KANSL3: variants seen among roughly 807,000 people sequenced by gnomAD.
The protein encoded by KANSL3 is NSL complex protein NSL3.
A neutral mutation model predicts 89.2 loss-of-function variants in KANSL3; 16 were observed. The observed-to-expected ratio is 0.18, with a 90% CI of 0.12 to 0.27. KANSL3 has a LOEUF of 0.27. Ranked by LOEUF, KANSL3 falls within the 10% of genes least tolerant of loss-of-function variation. The pLI is 1.00. For missense variants in KANSL3, 879 were observed against 1,110.6 expected, an observed-to-expected ratio of 0.79 and a Z score of 2.96; for synonymous variants, 385 against 419.7, an observed-to-expected ratio of 0.92 and a Z score of 1.01.
chr2:96,632,451 G>A (rs1488467130), intron 2 of KANSL3, among the ~76,000 whole-genome samples: 1 of 152,120 alleles, frequency 6.6e-6, no homozygotes, highest in Non-Finnish European at 1.5e-5. Context: ...GACACGGCAA[G>A]ACCCAGTCTC....
At chr2:96,589,330 G>A (rs1424783446), downstream of KANSL3, among the ~76,000 whole-genome samples, 2 of 152,132 alleles carry the variant, frequency 1.3e-5, no homozygotes, top group African/African-American at 4.8e-5. Flanking sequence ...GAAATATAAT[G>A]ACATAGGTAG....
intron 11 of KANSL3, 142 bp from the exon 12 acceptor site, chr2:96,609,704 C>T: frequency 1.4e-6 from 1 of 736,688 alleles, no homozygotes; most frequent in East Asian, 2.5e-5. Context: ...GTAATGCAAC[C>T]TCTCCGAACC....
At position 96,594,340 on chromosome 2, in the gene KANSL3, T is replaced by C. The variant is rs958942506; in HGVS notation, c.*1271A>G. 6.6e-6 allele frequency: 1 copy of C among 152,230 alleles called. No individual in the cohort carries two copies. The highest frequency in any genetic ancestry group is 6.5e-5 in the Admixed American group (1 of 15,286). 9.4% of individuals were successfully genotyped at this position (152,230 alleles called of 1,614,324 possible). On this transcript the variant is annotated 3_prime_UTR_variant, in exon 21 of 21. Coordinates refer to ENST00000431828, the MANE Select transcript of KANSL3 (RefSeq NM_001115016.3). ...TGGGAGCCTGTTCTGGAGGATAGCTTCTAAACCAAATCTAAAACTATCTTT... is the reference window on the plus strand; with the variant it reads ...TGGGAGCCTGTTCTGGAGGATAGCTCCTAAACCAAATCTAAAACTATCTTT...
chr2:96,604,835 T>G lies in KANSL3; in HGVS notation c.1962A>C (p.Thr654=). 6.3e-7 allele frequency: 1 copy of G among 1,598,940 alleles called. No individual in the cohort carries two copies. Among genetic ancestry groups the G allele is most frequent in the Non-Finnish European group, 8.5e-7 (1 of 1,172,836 alleles). The change falls in exon 16 of 21, where the codon ACA becomes ACC. Residue 654 remains threonine, a synonymous_variant. Coordinates refer to ENST00000431828, the MANE Select transcript of KANSL3 (RefSeq NM_001115016.3). ...EAAGGKPITM[T]LGQASAGAKE... The stretch of plus-strand genomic sequence containing the variant: ...TGGCCCCTGCTGAAGCCTGCCCCAG[T>G]GTCATGGTGATGGGCTTCCCACCTG...
At position 96,608,517 on chromosome 2, in the gene KANSL3, G is replaced by T. The variant is rs2068353234; in HGVS notation, c.1732C>A (p.Gln578Lys). The change falls in exon 14 of 21, where the codon CAA (glutamine) becomes AAA (lysine). Residue 578 changes from glutamine (Q) to lysine (K), a missense_variant. Transcript: ENST00000431828. ...GGCCAAGTGCCTATACCTTGAGCTT[G>T]TTTGTGGGTCAGCACAGCTTCTGTC... ...QRTEAVLTHK[Q>K]AQVPISSEPP... 1 of 1,613,908 alleles carries T rather than the reference G, an allele frequency of 6.2e-7. No individual in the cohort carries two copies. Among genetic ancestry groups the T allele is most frequent in the Admixed American group, 1.7e-5 (1 of 60,006 alleles).
intron 3 of KANSL3, among the ~76,000 whole-genome samples, chr2:96,627,636 C>T (rs2072601803): frequency 6.6e-6 from 1 of 152,092 alleles, no homozygotes; most frequent in South Asian, 2.1e-4. Context: ...GTAAACTCTC[C>T]GGGAAAGAAC....
chr2:96,601,667 G>A lies in KANSL3; in HGVS notation c.2592C>T (p.Ser864=). ...SGAAPSEESS[S]QVLPSSSQRL... Reference sequence around the variant, plus strand: ...CCTGTGAGCTGGAGGGCAGCACCTGGGAAGAGGACTCCTCGGATGGGGCTG... The same window carrying A: ...CCTGTGAGCTGGAGGGCAGCACCTGAGAAGAGGACTCCTCGGATGGGGCTG... Residue 864 remains serine, a synonymous_variant, in exon 20 of 21, where the codon TCC becomes TCT. Coordinates refer to ENST00000431828, the MANE Select transcript of KANSL3 (RefSeq NM_001115016.3). 6.2e-7 allele frequency: 1 copy of A among 1,613,574 alleles called. No homozygotes were observed. The highest frequency in any genetic ancestry group is 8.5e-7 in the Non-Finnish European group (1 of 1,179,712).
rs2066330970 is a variant in KANSL3 at position 96,593,205 on chromosome 2, G to A, written c.*2406C>T. ...GGTGTTTTTAATTGTTTTTGTTAAT[G>A]TAAAAACAGAACCATCACAGCCGCT... On this transcript the variant is annotated 3_prime_UTR_variant, in exon 21 of 21. Coordinates refer to ENST00000431828, the MANE Select transcript of KANSL3 (RefSeq NM_001115016.3). 2.2e-6 allele frequency: 1 copy of A among 448,766 alleles called. No homozygotes were observed. 27.8% of individuals were successfully genotyped at this position (448,766 alleles called of 1,614,324 possible).
Position 96,609,015 on chromosome 2 carries a change from T to A in KANSL3, c.1433A>T (p.His478Leu), listed in dbSNP as rs1430731589. The change falls in exon 13 of 21, where the codon CAC (histidine) becomes CTC (leucine). Residue 478 changes from histidine to leucine, a missense_variant. Physicochemically the swap from His to Leu is moderately conservative, Grantham distance 99. Coordinates refer to ENST00000431828, the MANE Select transcript of KANSL3 (RefSeq NM_001115016.3). The part of the protein sequence containing the change: ...LTGVLTRAEG[H>L]MGSEPRDQDA... ...CTGATCCCGAGGTTCAGAGCCCATG[T>A]GACCCTCAGCACGAGTGAGCACTCC... 2.6e-6 allele frequency: 4 copies of A among 1,566,100 alleles called. No homozygotes were observed. In the Admixed American group the frequency reaches 7.6e-5, roughly 30 times the overall value.
Position 96,631,475 on chromosome 2 carries a change from C to T in KANSL3, c.223G>A (p.Asp75Asn), listed in dbSNP as rs1189672778. The T allele has an allele frequency of 5.1e-6, 8 of 1,566,052 alleles. No individual in the cohort carries two copies. Among genetic ancestry groups the T allele is most frequent in the Non-Finnish European group, 6.9e-6 (8 of 1,154,512 alleles). The change falls in exon 3 of 21, where the codon GAC (aspartate) becomes AAC (asparagine). Residue 75 changes from aspartate (D) to asparagine (N), a missense_variant. Asp to Asn is a conservative substitution (Grantham distance 23). Coordinates refer to ENST00000431828, the MANE Select transcript of KANSL3 (RefSeq NM_001115016.3). The part of the protein sequence containing the change: ...RRQHESTIES[D>N]VPIDVETVTS... ...ACCGTCTCCACATCTATTGGGACGT[C>T]TGATTCACTGTAAACAGGTGAGGAA...
intron 2 of KANSL3, among the ~76,000 whole-genome samples, chr2:96,633,825 A>G (rs970143328): frequency 1.3e-5 from 2 of 152,294 alleles, no homozygotes; most frequent in East Asian, 1.9e-4. Flanking sequence ...AGATTGCACC[A>G]CTGCACTCCA....
intron 2 of KANSL3, 49 bp from the exon 3 acceptor site, chr2:96,631,531 A>AT: frequency 6.4e-7 from 1 of 1,550,934 alleles, no homozygotes; most frequent in Non-Finnish European, 8.7e-7. Context: ...CTTCACAGGT[A>AT]TTTAACAATC....
intron 8 of KANSL3, 47 bp from the exon 9 acceptor site, chr2:96,612,400 G>T (rs1240100478): frequency 6.2e-7 from 1 of 1,602,654 alleles, no homozygotes; most frequent in Non-Finnish European, 8.5e-7. Context: ...GCCAAAGATA[G>T]GTGCAGAACA....
At chr2:96,607,481 C>A (rs1337886024) in intron 14 of KANSL3, among the ~76,000 whole-genome samples, 1 of 152,192 alleles carries the variant, frequency 6.6e-6, no homozygotes, top group Non-Finnish European at 1.5e-5. Context: ...TGCAGAAGCA[C>A]AGCAGACCAC....
chr2:96,606,685 C>T, intron 14 of KANSL3: 1 of 250,780 alleles, frequency 4.0e-6, no homozygotes, highest in East Asian at 1.4e-4. Flanking sequence ...TCAGGCAATG[C>T]CACAGACATA....
In KANSL3 at chr2:96,602,835, T is replaced by A. The variant is rs1242580417; in HGVS notation, c.2177A>T (p.Gln726Leu). ...PGATSASSLL[Q>L]GLSFSLQDIS... is the part of the protein sequence containing the mutation. ...ATCCTGCAAGCTGAAGCTGAGGCCT[T>A]GGAGGAGGCTGCTGGCTGATGTGGC... Residue 726 changes from glutamine to leucine, a missense_variant, in exon 18 of 21, where the codon CAA (glutamine) becomes CTA (leucine). Gln to Leu is a moderately radical substitution (Grantham distance 113). Coordinates refer to ENST00000431828, the MANE Select transcript of KANSL3 (RefSeq NM_001115016.3). The A allele has an allele frequency of 2.0e-5, 33 of 1,613,708 alleles. No homozygotes were observed. Among genetic ancestry groups the A allele is most frequent in the Non-Finnish European group, 2.7e-5 (32 of 1,179,836 alleles).
chr2:96,633,020 C>T (rs1277499057), intron 2 of KANSL3, among the ~76,000 whole-genome samples: 1 of 150,928 alleles, frequency 6.6e-6, no homozygotes, highest in Non-Finnish European at 1.5e-5. Flanking sequence ...AGGGCTCAGG[C>T]TTGTAATCCC....
In KANSL3 at chr2:96,611,092, G is replaced by A; in HGVS notation, c.1133C>T (p.Pro378Leu). 6.2e-7 allele frequency: 1 copy of A among 1,613,980 alleles called. No homozygotes were observed. The highest frequency in any genetic ancestry group is 8.5e-7 in the Non-Finnish European group (1 of 1,179,860). Reference protein sequence around the residue: ...YVTAVVCLGFPLLTVDGPRGD... With the variant: ...YVTAVVCLGFLLLTVDGPRGD... ...TCTGGGGCCATCCACAGTAAGCAGA[G>A]GAAACCCAAGGCAGACAACTGCAGT... The change falls in exon 10 of 21, where the codon CCT becomes CTT. Residue 378 changes from proline to leucine, a missense_variant. This residue lies in a region of KANSL3 where 198 missense variants were observed against 260.3 expected (regional missense o/e 0.76). Coordinates refer to ENST00000431828, the MANE Select transcript of KANSL3 (RefSeq NM_001115016.3).
chr2:96,595,861 T>C (rs901829700), intron 20 of KANSL3, among the ~76,000 whole-genome samples: 8 of 152,214 alleles, frequency 5.3e-5, no homozygotes, highest in Admixed American at 3.3e-4. Context: ...CAAGTGCCTA[T>C]GTTCTCTGAG....
Sources: gnomAD v4.1 joint callset for allele counts (sites outside exome capture counted in the v4.1 genomes callset) on GRCh38, gnomAD v4.1.1 for gene constraint, gnomAD v4.1.1 regional missense constraint, MANE v1.5 for transcripts, NCBI Gene and HGNC (gene_info 2026-07-23, HGNC 2026-07-21) for gene names.